The following AP3M1 variants were observed in gnomAD, a reference collection of about 807,000 sequenced individuals.
AP3M1 encodes AP-3 complex subunit mu-1.
Under a neutral mutation model 42.6 loss-of-function variants are expected in AP3M1, and 29 were observed. The observed-to-expected ratio is 0.68, with a 90% confidence interval of 0.51 to 0.93. The LOEUF (loss-of-function observed/expected upper bound fraction) is 0.93. AP3M1 is among the 40% of genes least tolerant of loss of function. AP3M1 has a pLI of 0.00. For synonymous variants in AP3M1, 178 were observed against 175.3 expected (o/e 1.02, Z -0.12); for missense variants, 416 against 510.2 (o/e 0.82, Z 1.78).
At chr10:74,126,408 G>C in intron 6 of AP3M1, 53 bp from the exon 7 acceptor site, 1 of 1,455,714 alleles carries the variant, frequency 6.9e-7, no homozygotes, top group Non-Finnish European at 9.5e-7. Flanking sequence ...TTAATGGTGT[G>C]GGGAGAGCTC....
chr10:74,132,326 C>G (rs1252399595), intron 4 of AP3M1, among the ~76,000 whole-genome samples: 1 of 152,124 alleles, frequency 6.6e-6, no homozygotes, highest in East Asian at 1.9e-4. Context: ...GCGTGATCCA[C>G]CATGCCCGGC....
intron 3 of AP3M1, among the ~76,000 whole-genome samples, chr10:74,135,000 A>G (rs1187351283): frequency 2.0e-5 from 3 of 151,910 alleles, no homozygotes; most frequent in African/African-American, 7.3e-5. Context: ...TTCTATTTTG[A>G]TAATTTTGGT....
Position 74,123,400 on chromosome 10 carries a change from G to A in AP3M1, c.*410C>T. 6.0e-6 allele frequency: 1 copy of A among 167,856 alleles called. No homozygotes were observed. The highest frequency in any genetic ancestry group is 1.3e-5 in the Non-Finnish European group (1 of 77,960). The allele number at this position is 167,856 out of a possible 1,614,324, so 10.4% of individuals were successfully genotyped here. Reference sequence around the variant, plus strand: ...TCGGGACAGATACTGGTTTGGGATGGCTAAGATCAGAAGGTGTGATATTTG... The same window carrying A: ...TCGGGACAGATACTGGTTTGGGATGACTAAGATCAGAAGGTGTGATATTTG... On this transcript the variant is annotated 3_prime_UTR_variant, in exon 9 of 9. Coordinates refer to ENST00000355264, the MANE Select transcript of AP3M1 (RefSeq NM_012095.6).
rs1591731506 is a variant in AP3M1, at chr10:74,123,481, ACT to A, written c.*327_*328del. On this transcript the variant is annotated 3_prime_UTR_variant, in exon 9 of 9. Coordinates refer to ENST00000355264, the MANE Select transcript of AP3M1 (RefSeq NM_012095.6). The stretch of plus-strand genomic sequence containing the variant: ...AGCTTCTGCTGGATGAGACCAGTTA[ACT>A]CTTTTAGGAGAGAGGTTATCACTAC... 3.8e-6 allele frequency: 1 copy of A among 264,944 alleles called. No individual in the cohort carries two copies. The highest frequency in any genetic ancestry group is 2.2e-5 in the African/African-American group (1 of 44,590). The allele number at this position is 264,944 out of a possible 1,614,324, so 16.4% of individuals were successfully genotyped here.
intron 1 of AP3M1, among the ~76,000 whole-genome samples, chr10:74,149,991 C>T (rs1244614291): frequency 2.0e-5 from 3 of 152,230 alleles, no homozygotes; most frequent in Admixed American, 6.5e-5. Context: ...CCTCCTCTGA[C>T]CATTGCAGCA....
chr10:74,141,271 T>G (rs532352650), intron 1 of AP3M1, among the ~76,000 whole-genome samples: 1 of 151,784 alleles, frequency 6.6e-6, no homozygotes, highest in African/African-American at 2.4e-5. Flanking sequence ...TAAAAAAATT[T>G]AAAAACTAGC....
chr10:74,132,901 T>A (rs1389074585), intron 4 of AP3M1, among the ~76,000 whole-genome samples: 1 of 152,156 alleles, frequency 6.6e-6, no homozygotes, highest in Non-Finnish European at 1.5e-5. Context: ...CTGATTTACA[T>A]GTTTGGCAGA....
chr10:74,124,852 G>A (rs1405176896), intron 7 of AP3M1, among the ~76,000 whole-genome samples: 1 of 152,162 alleles, frequency 6.6e-6, no homozygotes, highest in Non-Finnish European at 1.5e-5. Flanking sequence ...GGACATTAAG[G>A]CTCAGAGATC....
intron 1 of AP3M1, among the ~76,000 whole-genome samples, chr10:74,145,531 A>G (rs972047698): frequency 3.3e-5 from 5 of 152,238 alleles, no homozygotes; most frequent in Non-Finnish European, 4.4e-5. Flanking sequence ...TGCAGTGTAA[A>G]TTAGCCTGTT....
intron 2 of AP3M1, 75 bp from the exon 3 acceptor site, chr10:74,136,878 G>C: frequency 9.6e-7 from 1 of 1,044,696 alleles, no homozygotes; most frequent in Non-Finnish European, 1.3e-6. Context: ...TTGTTCTGAA[G>C]AATAAACTTA....
intron 1 of AP3M1, among the ~76,000 whole-genome samples, chr10:74,146,693 T>C (rs1437642281): frequency 1.3e-5 from 2 of 152,038 alleles, no homozygotes; most frequent in African/African-American, 4.8e-5. Context: ...AGAAGCCAGA[T>C]TGGAATCAGA....
rs534425586 is a variant in AP3M1 at position 74,136,618 on chromosome 10, T to C, written c.445+14A>G. 27 of 1,520,722 alleles carry C rather than the reference T, an allele frequency of 1.8e-5. 1 individual carries two copies. The South Asian group carries it at 3.4e-4, about 19-fold the overall frequency. 94.2% of individuals were successfully genotyped at this position (1,520,722 alleles called of 1,614,324 possible). A position where few individuals can be genotyped will look rare whatever the true frequency, so the allele number is the denominator to read the frequency against. On this transcript the variant is annotated intron_variant, in intron 3 of 8. Transcript: ENST00000355264. ...TAATTGCTCAGTTACTAGCACAGTA[T>C]GTTTTCATCTTACCTGTAATAGAGT...
chr10:74,129,446 A>T (rs912609336), intron 5 of AP3M1, among the ~76,000 whole-genome samples: 2 of 152,226 alleles, frequency 1.3e-5, no homozygotes, highest in African/African-American at 4.8e-5. Flanking sequence ...AATAACTATA[A>T]AGGAGAAAAG....
chr10:74,128,500 A>G (rs1840684875), intron 6 of AP3M1, among the ~76,000 whole-genome samples: 1 of 152,062 alleles, frequency 6.6e-6, no homozygotes, highest in African/African-American at 2.4e-5. Flanking sequence ...TGGCCTCCCA[A>G]AGTGTTGGGA....
intron 4 of AP3M1, among the ~76,000 whole-genome samples, chr10:74,132,764 T>C (rs910790558): frequency 1.3e-5 from 2 of 151,432 alleles, no homozygotes; most frequent in African/African-American, 4.8e-5. Flanking sequence ...TTACCAGAAG[T>C]ACTGCACATA....
At chr10:74,132,751 CT>C (rs1337996133) in intron 4 of AP3M1, among the ~76,000 whole-genome samples, 1 of 151,708 alleles carries the variant, frequency 6.6e-6, no homozygotes, top group Non-Finnish European at 1.5e-5. Flanking sequence ...CAGATAGGGG[CT>C]TTTACCAGAA....
chr10:74,144,578 A>C (rs761064737), intron 1 of AP3M1, among the ~76,000 whole-genome samples: 1 of 152,112 alleles, frequency 6.6e-6, no homozygotes, highest in Non-Finnish European at 1.5e-5. Context: ...CTGAAGTTTT[A>C]ATTTTAATTA....
rs374547244 is a variant in AP3M1 at position 74,126,359 on chromosome 10, A to T, written c.804-4T>A. 1 of 1,611,458 alleles carries T rather than the reference A, an allele frequency of 6.2e-7. No homozygotes were observed. Among genetic ancestry groups the T allele is most frequent in the Admixed American group, 1.7e-5 (1 of 59,984 alleles). On this transcript the variant is annotated splice_region_variant and splice_polypyrimidine_tract_variant and intron_variant, in intron 6 of 8. Transcript: ENST00000355264. Reference sequence around the variant, plus strand: ...ATACACTGGTATTGCCACTAGACTAAAAAGAGAAACAGAGAAAGATACAAA... The same window carrying T: ...ATACACTGGTATTGCCACTAGACTATAAAGAGAAACAGAGAAAGATACAAA...
Position 74,120,361 on chromosome 10 carries a change from G to A in AP3M1, c.*3449C>T, listed in dbSNP as rs1431220622. On this transcript the variant is annotated 3_prime_UTR_variant, in exon 9 of 9. Coordinates refer to ENST00000355264, the MANE Select transcript of AP3M1 (RefSeq NM_012095.6). ...TGTGTGTAATACAAGACAACCCTGG[G>A]GATTACACACTTGAAGGAATGGAAG... 6.6e-6 allele frequency: 1 copy of A among 152,182 alleles called. No individual in the cohort carries two copies. Among genetic ancestry groups the A allele is most frequent in the East Asian group, 1.9e-4 (1 of 5,200 alleles). 9.4% of individuals were successfully genotyped at this position (152,182 alleles called of 1,614,324 possible).
Sources: allele counts gnomAD v4.1 joint callset (sites outside exome capture counted in the v4.1 genomes callset), GRCh38; gene constraint gnomAD v4.1.1; transcripts MANE v1.5; gene names NCBI Gene and HGNC (gene_info 2026-07-23, HGNC 2026-07-21).